The following PLCB1 variants were observed in gnomAD, a reference collection of about 807,000 sequenced individuals.
PLCB1 encodes 1-phosphatidylinositol 4,5-bisphosphate phosphodiesterase beta-1.
In PLCB1, 46 loss-of-function variants were observed where a neutral mutation model predicts 161.8. That is an observed-to-expected ratio of 0.28 (90% confidence interval 0.22 to 0.36). PLCB1 has a LOEUF of 0.36. PLCB1 is among the 10% of genes least tolerant of loss of function. The pLI is 1.00. For synonymous variants in PLCB1, 517 were observed against 503.7 expected (o/e 1.03, Z -0.35); for missense variants, 1,016 against 1,472.5 (o/e 0.69, Z 5.07).
chr20:8,251,365 T>A (rs145391902), intron 2 of PLCB1, among the ~76,000 whole-genome samples: 1 of 152,040 alleles, frequency 6.6e-6, no homozygotes, highest in East Asian at 1.9e-4. Context: ...AAGCTTTATA[T>A]CTGCTAGGGA....
intron 9 of PLCB1, among the ~76,000 whole-genome samples, chr20:8,672,039 T>G (rs2123363902): frequency 6.6e-6 from 1 of 152,350 alleles, no homozygotes; most frequent in East Asian, 1.9e-4. Context: ...CCTTCTTCTA[T>G]CACTAGATGA....
chr20:8,603,394 C>G (rs1479249628), intron 3 of PLCB1, among the ~76,000 whole-genome samples: 1 of 152,148 alleles, frequency 6.6e-6, no homozygotes, highest in Admixed American at 6.6e-5. Flanking sequence ...AAGTGGGACT[C>G]CTAGATAAAA....
intron 27 of PLCB1, among the ~76,000 whole-genome samples, chr20:8,775,170 C>T (rs6108190): frequency 2.0e-5 from 3 of 148,380 alleles, no homozygotes; most frequent in Non-Finnish European, 4.4e-5. Context: ...AAGTCAGTAC[C>T]TAAATGGCCA....
At chr20:8,848,895 G>A (rs1986790063) in intron 31 of PLCB1, among the ~76,000 whole-genome samples, 1 of 152,234 alleles carries the variant, frequency 6.6e-6, no homozygotes. Flanking sequence ...TCTCTCTGCT[G>A]CCTAACATTT....
chr20:8,183,484 C>A (rs1039688395), intron 2 of PLCB1, among the ~76,000 whole-genome samples: 1 of 152,062 alleles, frequency 6.6e-6, no homozygotes, highest in Non-Finnish European at 1.5e-5. Context: ...AAGAAATAAA[C>A]AAACATAAGG....
intron 18 of PLCB1, among the ~76,000 whole-genome samples, chr20:8,732,533 G>T (rs1214533974): frequency 1.4e-5 from 2 of 146,482 alleles, no homozygotes; most frequent in East Asian, 2.0e-4. Context: ...CTAATATATT[G>T]TATTAGATAT....
intron 2 of PLCB1, among the ~76,000 whole-genome samples, chr20:8,229,282 A>G (rs189269603): frequency 6.6e-6 from 1 of 152,232 alleles, no homozygotes; most frequent in East Asian, 1.9e-4. Context: ...AATATTTAAA[A>G]CATTATTTTA....
chr20:8,835,226 G>A lies in PLCB1; in HGVS notation c.3423+44965G>A, dbSNP rs572653038. Among the ~76,000 whole-genome samples, 13 of 152,268 alleles carry A rather than the reference G, an allele frequency of 8.5e-5. No homozygotes were observed. In the East Asian group the frequency reaches 2.3e-3, roughly 27 times the overall value. On this transcript the variant is annotated intron_variant, in intron 31 of 31. Coordinates refer to ENST00000338037, the MANE Select transcript of PLCB1 (RefSeq NM_015192.4). ...AGGGCCTGGCTTGTTGAACAATGAG[G>A]CAGCAAGTGCAAGAGGGACTGAGAG...
At chr20:8,450,201 T>C (rs949238248) in intron 3 of PLCB1, among the ~76,000 whole-genome samples, 1 of 152,176 alleles carries the variant, frequency 6.6e-6, no homozygotes, top group Non-Finnish European at 1.5e-5. Context: ...TTTGTGGTCT[T>C]AGATAAGTCT....
intron 3 of PLCB1, among the ~76,000 whole-genome samples, chr20:8,445,992 G>C (rs887450238): frequency 6.6e-6 from 1 of 152,152 alleles, no homozygotes; most frequent in East Asian, 1.9e-4. Flanking sequence ...GGAGGAGCTG[G>C]TCCCATTCCT....
At chr20:8,540,775 C>G (rs1284750485) in intron 3 of PLCB1, among the ~76,000 whole-genome samples, 1 of 152,070 alleles carries the variant, frequency 6.6e-6, no homozygotes, top group African/African-American at 2.4e-5. Context: ...TGACAGACAG[C>G]AAATAAAGGC....
At chr20:8,185,436 G>C (rs1429345616) in intron 2 of PLCB1, among the ~76,000 whole-genome samples, 1 of 152,054 alleles carries the variant, frequency 6.6e-6, no homozygotes, top group South Asian at 2.1e-4. Context: ...AGAAGGAAAA[G>C]GTAGAGAAGG....
intron 15 of PLCB1, among the ~76,000 whole-genome samples, chr20:8,723,754 G>A (rs950811345): frequency 4.6e-5 from 7 of 152,054 alleles, no homozygotes; most frequent in African/African-American, 1.7e-4. Context: ...TCTAACTAGT[G>A]GACTTGGGAT....
chr20:8,523,465 GCTCTCTCT>G (rs1174973173), intron 3 of PLCB1, among the ~76,000 whole-genome samples: 13 of 48,804 alleles, frequency 2.7e-4, no homozygotes, highest in East Asian at 9.6e-4. Context: ...TATATATTTG[GCTCTCTCT>G]CTCTCTCTCT....
At chr20:8,786,119 C>G (rs1983469751) in intron 27 of PLCB1, among the ~76,000 whole-genome samples, 2 of 152,174 alleles carry the variant, frequency 1.3e-5, no homozygotes, top group Non-Finnish European at 2.9e-5. Context: ...GATGTTGCAG[C>G]CAAGGAAGGT....
intron 2 of PLCB1, among the ~76,000 whole-genome samples, chr20:8,337,507 G>A (rs948460357): frequency 6.6e-6 from 1 of 152,180 alleles, no homozygotes; most frequent in Non-Finnish European, 1.5e-5. Flanking sequence ...GAGCATCCAT[G>A]CTGCATTTTG....
intron 3 of PLCB1, among the ~76,000 whole-genome samples, chr20:8,516,158 A>G (rs1020071367): frequency 6.6e-6 from 1 of 152,134 alleles, no homozygotes; most frequent in African/African-American, 2.4e-5. Context: ...CGTGGGAATT[A>G]TGGGAGCTAC....
At chr20:8,570,411 T>C (rs148162480) in intron 3 of PLCB1, among the ~76,000 whole-genome samples, 12 of 152,292 alleles carry the variant, frequency 7.9e-5, no homozygotes, top group African/African-American at 2.9e-4. Flanking sequence ...TAGGTATATA[T>C]GTCGTTTTTG....
At chr20:8,609,986 G>A (rs1025702432) in intron 3 of PLCB1, among the ~76,000 whole-genome samples, 1 of 152,084 alleles carries the variant, frequency 6.6e-6, no homozygotes, top group Admixed American at 6.6e-5. Flanking sequence ...TGTAAAATGA[G>A]CATCAGTATA....
Sources: allele counts gnomAD v4.1 joint callset (sites outside exome capture counted in the v4.1 genomes callset), GRCh38; gene constraint gnomAD v4.1.1; transcripts MANE v1.5; gene names NCBI Gene and HGNC (gene_info 2026-07-23, HGNC 2026-07-21).